Variants in ZNF385D observed in about 807,000 individuals in gnomAD.
ZNF385D encodes the protein zinc finger protein 385D.
Under a neutral mutation model 35.8 loss-of-function variants are expected in ZNF385D, and 15 were observed. The observed-to-expected ratio is 0.42, with a 90% confidence interval of 0.28 to 0.64. The LOEUF (loss-of-function observed/expected upper bound fraction) is 0.64, where lower values mean the gene tolerates loss of function less well. Ranked by LOEUF, ZNF385D falls within the 30% of genes least tolerant of loss-of-function variation. The probability of loss-of-function intolerance (pLI) is 0.23; values close to 1 mark genes in which losing one functional copy is unlikely to be tolerated. For missense variants in ZNF385D, 474 were observed against 494.6 expected, an observed-to-expected ratio of 0.96 and a Z score of 0.39; for synonymous variants, 212 against 186.8, an observed-to-expected ratio of 1.13 and a Z score of -1.10.
At chr3:21,775,821 G>A (rs977370969) in intron 3 of ZNF385D, among the ~76,000 whole-genome samples, 3 of 151,674 alleles carry the variant, frequency 2.0e-5, no homozygotes, top group South Asian at 2.1e-4. Context: ...TCTTTCTAGA[G>A]CTCATTTGTA....
chr3:22,350,708 C>A (rs549695510), intron 2 of ZNF385D, among the ~76,000 whole-genome samples: 1 of 151,768 alleles, frequency 6.6e-6, no homozygotes, highest in South Asian at 2.1e-4. Context: ...TTTTCACATG[C>A]GATTATAACT....
chr3:21,468,175 C>T (rs911798802), intron 4 of ZNF385D, among the ~76,000 whole-genome samples: 11 of 151,796 alleles, frequency 7.2e-5, no homozygotes, highest in African/African-American at 2.2e-4. Context: ...GAGGCTGAGG[C>T]GGGCGGATCA....
chr3:21,896,072 G>A (rs535231466), intron 3 of ZNF385D, among the ~76,000 whole-genome samples: 20 of 152,128 alleles, frequency 1.3e-4, no homozygotes, highest in African/African-American at 3.9e-4. Flanking sequence ...TCCTCTCTTC[G>A]ACATTTGGAA....
chr3:21,904,977 T>A (rs259502), intron 3 of ZNF385D, among the ~76,000 whole-genome samples: 2 of 151,764 alleles, frequency 1.3e-5, no homozygotes, highest in East Asian at 3.9e-4. Flanking sequence ...ATATTTTTGA[T>A]GAGTGAAAAA....
intron 3 of ZNF385D, among the ~76,000 whole-genome samples, chr3:22,135,551 T>C (rs1704052294): frequency 6.6e-6 from 1 of 152,224 alleles, no homozygotes; most frequent in African/African-American, 2.4e-5. Context: ...ATGTCAACTC[T>C]TCTTAAATTG....
chr3:22,230,675 A>C (rs1389900154), intron 2 of ZNF385D, among the ~76,000 whole-genome samples: 3 of 152,184 alleles, frequency 2.0e-5, no homozygotes, highest in Non-Finnish European at 4.4e-5. Context: ...AATCACTTAG[A>C]GTACATATGC....
chr3:21,695,499 A>G (rs2067438242), intron 1 of ZNF385D, among the ~76,000 whole-genome samples: 1 of 152,194 alleles, frequency 6.6e-6, no homozygotes, highest in Non-Finnish European at 1.5e-5. Context: ...TGCAGGATAC[A>G]GTATATATTA....
intron 3 of ZNF385D, among the ~76,000 whole-genome samples, chr3:22,166,946 T>C (rs555870787): frequency 3.3e-5 from 5 of 152,338 alleles, no homozygotes; most frequent in Admixed American, 3.3e-4. Context: ...TGGTTTCACC[T>C]AGAAGTTAAC....
chr3:22,027,722 T>A (rs1437349136), intron 3 of ZNF385D, among the ~76,000 whole-genome samples: 1 of 152,044 alleles, frequency 6.6e-6, no homozygotes, highest in African/African-American at 2.4e-5. Context: ...TATACATAAT[T>A]GGGCTCAAGC....
At chr3:22,240,836 T>C (rs7616938) in intron 2 of ZNF385D, among the ~76,000 whole-genome samples, 9,584 of 151,022 alleles carry the variant, frequency 0.063, 898 homozygotes, top group African/African-American at 0.15. Context: ...CCCTAAGCCT[T>C]CCTTGGCCCT....
At chr3:21,840,876 T>A (rs889339868) in intron 3 of ZNF385D, among the ~76,000 whole-genome samples, 1 of 152,008 alleles carries the variant, frequency 6.6e-6, no homozygotes, top group African/African-American at 2.4e-5. Context: ...TTCAAAGAGT[T>A]TGCTGTCTAA....
intron 2 of ZNF385D, among the ~76,000 whole-genome samples, chr3:22,217,074 G>T (rs1201803848): frequency 2.0e-5 from 3 of 151,984 alleles, no homozygotes; most frequent in Non-Finnish European, 2.9e-5. Flanking sequence ...TAACATTTTG[G>T]CCTTAACCTA....
chr3:21,718,868 T>G (rs1389256242), intron 1 of ZNF385D, among the ~76,000 whole-genome samples: 1 of 152,228 alleles, frequency 6.6e-6, no homozygotes, highest in Non-Finnish European at 1.5e-5. Flanking sequence ...CCAAATCAAT[T>G]TTTACTTTTT....
At chr3:21,819,682 CTA>C (rs1394358900) in intron 3 of ZNF385D, among the ~76,000 whole-genome samples, 2 of 143,980 alleles carry the variant, frequency 1.4e-5, no homozygotes, top group Non-Finnish European at 3.0e-5. Context: ...ATATAATTAT[CTA>C]TGTGTACGTG....
At chr3:21,916,167 A>T (rs1449333163) in intron 3 of ZNF385D, among the ~76,000 whole-genome samples, 7 of 152,180 alleles carry the variant, frequency 4.6e-5, no homozygotes, top group African/African-American at 1.7e-4. Context: ...TATAGGTCAT[A>T]TTTTGTTAAT....
At chr3:22,016,957 A>AC (rs1696926269) in intron 3 of ZNF385D, among the ~76,000 whole-genome samples, 2 of 131,196 alleles carry the variant, frequency 1.5e-5, no homozygotes, top group Non-Finnish European at 3.3e-5. Flanking sequence ...CACACACACA[A>AC]ACACACACAC....
intron 3 of ZNF385D, among the ~76,000 whole-genome samples, chr3:22,015,750 C>G (rs566613816): frequency 2.6e-5 from 4 of 152,208 alleles, no homozygotes; most frequent in African/African-American, 9.6e-5. Flanking sequence ...AGCATTACCT[C>G]TTCTAATTGC....
intron 2 of ZNF385D, among the ~76,000 whole-genome samples, chr3:22,348,163 G>A (rs1248221419): frequency 2.6e-5 from 4 of 152,048 alleles, no homozygotes; most frequent in Non-Finnish European, 5.9e-5. Flanking sequence ...TTTTTCTTAA[G>A]TAATATAAGC....
At position 21,626,418 on chromosome 3, in the gene ZNF385D, A is replaced by G. The variant is rs570678951; in HGVS notation, c.165+38468T>C. Among the ~76,000 whole-genome samples the G allele has an allele frequency of 6.6e-5, 10 of 152,270 alleles. 2 individuals carry two copies. In the East Asian group the frequency reaches 1.5e-3, roughly 24 times the overall value. On this transcript the variant is annotated intron_variant, in intron 2 of 7. Coordinates refer to ENST00000281523, the MANE Select transcript of ZNF385D (RefSeq NM_024697.3). ...AAATGATAGTCATTAAATTTAAGTAATAAAATGGCTTACTTATGTAGAGGA... is the reference window on the plus strand; with the variant it reads ...AAATGATAGTCATTAAATTTAAGTAGTAAAATGGCTTACTTATGTAGAGGA...
Sources: allele counts gnomAD v4.1 joint callset (sites outside exome capture counted in the v4.1 genomes callset), GRCh38; gene constraint gnomAD v4.1.1; transcripts MANE v1.5; gene names NCBI Gene and HGNC (gene_info 2026-07-23, HGNC 2026-07-21).